The following BPIFB3 variants were observed in gnomAD, a reference collection of about 807,000 sequenced individuals.
BPIFB3 encodes BPI fold containing family B member 3, also known as BPI fold-containing family B member 3.
Under a neutral mutation model 53.1 loss-of-function variants are expected in BPIFB3, and 49 were observed. The ratio of observed to expected loss-of-function variants is 0.92; its 90% CI spans 0.73 to 1.17. The LOEUF is 1.17. Among genes scored for constraint, BPIFB3 ranks in the 50% most tolerant of loss-of-function variants. The pLI is 0.00. For missense variants in BPIFB3, 628 were observed against 592.5 expected (o/e 1.06, Z -0.62); for synonymous variants, 271 against 269.6 (o/e 1.01, Z -0.05).
At chr20:33,056,512 A>T in intron 1 of BPIFB3, 30 bp from the exon 3 acceptor site, 1 of 1,612,806 alleles carries the variant, frequency 6.2e-7, no homozygotes, top group Non-Finnish European at 8.5e-7. Flanking sequence ...TGGAGTTTCT[A>T]GTACCTTCCT....
At chr20:33,061,160 C>T (rs538998092) in intron 4 of BPIFB3, among the ~76,000 whole-genome samples, 3 of 152,164 alleles carry the variant, frequency 2.0e-5, no homozygotes, top group Admixed American at 6.5e-5. Context: ...CTGGGTTGCT[C>T]CTGTCTCCAC....
intron 13 of BPIFB3, 148 bp from the exon 15 acceptor site, chr20:33,072,569 G>A: frequency 1.5e-6 from 1 of 687,966 alleles, no homozygotes; most frequent in Non-Finnish European, 2.6e-6. Context: ...GGATGAGTAG[G>A]AGTTTGCCAA....
chr20:33,066,816 G>C lies in BPIFB3; in HGVS notation c.925-8G>C. 1 of 1,614,070 alleles carries C rather than the reference G, an allele frequency of 6.2e-7. No homozygotes were observed. Among genetic ancestry groups the C allele is most frequent in the South Asian group, 1.1e-5 (1 of 91,076 alleles). On this transcript the variant is annotated splice_region_variant and splice_polypyrimidine_tract_variant and intron_variant, in intron 8 of 14. Transcript: ENST00000375494. ...GCTCACCAACCCTCTCTCCCATTGG[G>C]GGTCCAGGTTCCCAGCGATGTCCCA... is the stretch of plus-strand genomic sequence containing the variant.
rs761670502 is a variant in BPIFB3 at position 33,064,795 on chromosome 20, G to C, written c.874G>C (p.Gly292Arg). The C allele has an allele frequency of 3.7e-6, 6 of 1,613,986 alleles. No individual in the cohort carries two copies. Among genetic ancestry groups the C allele is most frequent in the Non-Finnish European group, 5.1e-6 (6 of 1,180,016 alleles). ...ACTGTACCTCTTCAACACCACGTTT[G>C]GACTCCTGCAGACCAACGGCGCCCT... The change falls in exon 8 of 15, where the codon GGA becomes CGA. Residue 292 changes from glycine to arginine, a missense_variant. By Grantham distance (125) the Gly-to-Arg change is moderately radical. Coordinates refer to ENST00000375494, the Ensembl canonical transcript of BPIFB3.
At chr20:33,059,091 C>T (rs1428653400) in intron 2 of BPIFB3, among the ~76,000 whole-genome samples, 3 of 152,132 alleles carry the variant, frequency 2.0e-5, no homozygotes, top group Non-Finnish European at 4.4e-5. Flanking sequence ...TTCCTTGAGC[C>T]TCTAGCGGTG....
At chr20:33,064,910 G>A in intron 8 of BPIFB3, 65 bp downstream of exon 9, 2 of 1,535,694 alleles carry the variant, frequency 1.3e-6, no homozygotes, top group Non-Finnish European at 1.8e-6. Flanking sequence ...GGCATTACTA[G>A]TGTTGACCTA....
chr20:33,064,192 G>T (rs1980569419), intron 6 of BPIFB3, among the ~76,000 whole-genome samples: 1 of 152,184 alleles, frequency 6.6e-6, no homozygotes, highest in African/African-American at 2.4e-5. Flanking sequence ...ATGTAAGAGA[G>T]GCAGGGTAGC....
chr20:33,070,606 C>G (rs1600545176), intron 11 of BPIFB3, among the ~76,000 whole-genome samples: 1 of 152,256 alleles, frequency 6.6e-6, no homozygotes, highest in South Asian at 2.1e-4. Flanking sequence ...TGTCCCTCCC[C>G]TGGCAGTAGG....
intron 11 of BPIFB3, among the ~76,000 whole-genome samples, chr20:33,070,933 C>T (rs1035988322): frequency 2.6e-5 from 4 of 152,118 alleles, no homozygotes; most frequent in Admixed American, 2.6e-4. Flanking sequence ...ATGCAAGGCA[C>T]TCTGTGTCCA....
At chr20:33,066,488 G>T (rs966397648) in intron 8 of BPIFB3, among the ~76,000 whole-genome samples, 1 of 152,210 alleles carries the variant, frequency 6.6e-6, no homozygotes, top group Admixed American at 6.5e-5. Context: ...GCCTGCCCAG[G>T]TTCAAATCCT....
chr20:33,057,880 G>A (rs1980287708), intron 2 of BPIFB3, among the ~76,000 whole-genome samples: 1 of 151,536 alleles, frequency 6.6e-6, no homozygotes, highest in Non-Finnish European at 1.5e-5. Context: ...TAGCTAATAT[G>A]CACTAACTCA....
intron 14 of BPIFB3, 112 bp downstream of exon 15, chr20:33,072,905 T>A: frequency 1.0e-6 from 1 of 955,684 alleles, no homozygotes; most frequent in Non-Finnish European, 1.6e-6. Flanking sequence ...CTGTCCCTGA[T>A]CCATTTTCTA....
upstream of BPIFB3, among the ~76,000 whole-genome samples, chr20:33,055,197 A>T (rs896791727): frequency 2.0e-5 from 3 of 152,206 alleles, no homozygotes; most frequent in East Asian, 5.8e-4. Flanking sequence ...CCAATGAGGG[A>T]GAGGCTTGGA....
chr20:33,069,895 C>T (rs760741067), exon 11 of BPIFB3: 3 of 1,614,234 alleles, frequency 1.9e-6, no homozygotes, highest in Non-Finnish European at 2.5e-6. Context: ...CAGGTCATGA[C>T]TGTGCGTGCC....
intron 6 of BPIFB3, 95 bp from the exon 8 acceptor site, chr20:33,064,362 A>T: frequency 2.0e-6 from 2 of 987,244 alleles, no homozygotes; most frequent in Non-Finnish European, 3.2e-6. Flanking sequence ...GTAGAGTGCT[A>T]GGCATTCAGC....
At chr20:33,064,866 A>C (rs767899371) in intron 8 of BPIFB3, 21 bp downstream of exon 9, 1 of 1,604,472 alleles carries the variant, frequency 6.2e-7, no homozygotes, top group South Asian at 1.1e-5. Flanking sequence ...TGCCCGGGGG[A>C]TGGGGATGGG....
chr20:33,070,054 A>G, intron 11 of BPIFB3, 99 bp downstream of exon 12: 1 of 1,387,896 alleles, frequency 7.2e-7, no homozygotes, highest in Non-Finnish European at 1.0e-6. Context: ...CATCAGCGCA[A>G]TTCCAGGTGT....
chr20:33,059,303 C>T, intron 2 of BPIFB3, 75 bp from the exon 4 acceptor site: 2 of 1,124,776 alleles, frequency 1.8e-6, no homozygotes, highest in South Asian at 2.7e-5. Flanking sequence ...GGGGACACCA[C>T]CAAGAGCCAC....
At chr20:33,068,935 C>T (rs779897404) in exon 10 of BPIFB3, 4 of 1,613,848 alleles carry the variant, frequency 2.5e-6, no homozygotes, top group East Asian at 4.5e-5. Context: ...GTTCTATGTC[C>T]CTAAGGGGAC....
Sources: gnomAD v4.1 joint callset for allele counts (sites outside exome capture counted in the v4.1 genomes callset) on GRCh38, gnomAD v4.1.1 for gene constraint, MANE v1.5 for transcripts, NCBI Gene and HGNC (gene_info 2026-07-23, HGNC 2026-07-21) for gene names.